PPM1H: variants seen among roughly 807,000 people sequenced by gnomAD.
PPM1H encodes protein phosphatase 1H.
Under a neutral mutation model 54.9 loss-of-function variants are expected in PPM1H, and 27 were observed. That is an observed-to-expected ratio of 0.49 (90% confidence interval 0.36 to 0.68). The LOEUF (loss-of-function observed/expected upper bound fraction) is 0.68. Among genes scored for constraint, PPM1H ranks in the 30% least tolerant of loss-of-function variants. The pLI is 0.00. For synonymous variants in PPM1H, 305 were observed against 270.8 expected, an observed-to-expected ratio of 1.13 and a Z score of -1.24; for missense variants, 596 against 667.8, an observed-to-expected ratio of 0.89 and a Z score of 1.19.
chr12:62,865,415 C>A (rs1343084135), intron 1 of PPM1H, among the ~76,000 whole-genome samples: 1 of 152,196 alleles, frequency 6.6e-6, no homozygotes, highest in Admixed American at 6.5e-5. Flanking sequence ...TCTCCACATG[C>A]CCTTCAGGGT....
At chr12:62,712,830 G>C (rs2076214732) in intron 6 of PPM1H, among the ~76,000 whole-genome samples, 1 of 152,126 alleles carries the variant, frequency 6.6e-6, no homozygotes, top group South Asian at 2.1e-4. Flanking sequence ...AGTGTCAGTT[G>C]GGGCTGCTTT....
chr12:62,689,311 C>T (rs1372612702), intron 8 of PPM1H, among the ~76,000 whole-genome samples: 1 of 152,154 alleles, frequency 6.6e-6, no homozygotes, highest in Admixed American at 6.5e-5. Context: ...TCAGAGAAGT[C>T]CAGACCAAAT....
chr12:62,759,021 G>A (rs1275974537), intron 4 of PPM1H, among the ~76,000 whole-genome samples: 1 of 152,106 alleles, frequency 6.6e-6, no homozygotes, highest in Non-Finnish European at 1.5e-5. Context: ...TCCACCCACT[G>A]CCCGCAAAAC....
intron 2 of PPM1H, among the ~76,000 whole-genome samples, chr12:62,823,333 C>G (rs1592618309): frequency 6.6e-6 from 1 of 152,314 alleles, no homozygotes; most frequent in East Asian, 1.9e-4. Flanking sequence ...GAGCTGGTAC[C>G]ATTCCTTCTG....
At chr12:62,777,161 G>A (rs935141209) in intron 4 of PPM1H, among the ~76,000 whole-genome samples, 6 of 152,216 alleles carry the variant, frequency 3.9e-5, no homozygotes, top group African/African-American at 1.4e-4. Context: ...ATTCTGACCT[G>A]TGAGGCAATT....
chr12:62,899,683 C>A (rs1027679850), intron 1 of PPM1H, among the ~76,000 whole-genome samples: 1 of 152,170 alleles, frequency 6.6e-6, no homozygotes, highest in Non-Finnish European at 1.5e-5. Context: ...CAAAGAAACA[C>A]AACTGAACTC....
At chr12:62,710,546 A>T (rs2076201088) in intron 6 of PPM1H, among the ~76,000 whole-genome samples, 1 of 151,370 alleles carries the variant, frequency 6.6e-6, no homozygotes, top group African/African-American at 2.4e-5. Flanking sequence ...TTAAAAAAAA[A>T]AAAAAAAAAG....
chr12:62,653,862 G>A lies in PPM1H; in HGVS notation c.1398-5226C>T, dbSNP rs992358484. Among the ~76,000 whole-genome samples, 12 of 152,166 alleles carry A rather than the reference G, an allele frequency of 7.9e-5. No homozygotes were observed. The South Asian group carries it at 1.7e-3, about 21-fold the overall frequency. On this transcript the variant is annotated intron_variant, in intron 9 of 9. Coordinates refer to ENST00000228705, the MANE Select transcript of PPM1H (RefSeq NM_020700.2). Reference sequence around the variant, plus strand: ...GGGCCCTCCCCCAGGAATGTCTGGCGACCATCAGGTGATAGTCAGGCCATT... The same window carrying A: ...GGGCCCTCCCCCAGGAATGTCTGGCAACCATCAGGTGATAGTCAGGCCATT...
At chr12:62,888,770 G>A (rs1397465197) in intron 1 of PPM1H, among the ~76,000 whole-genome samples, 1 of 152,148 alleles carries the variant, frequency 6.6e-6, no homozygotes, top group Non-Finnish European at 1.5e-5. Context: ...GGATATACAA[G>A]CAACTTTACA....
At chr12:62,666,133 A>G (rs1197690748) in intron 9 of PPM1H, among the ~76,000 whole-genome samples, 1 of 152,018 alleles carries the variant, frequency 6.6e-6, no homozygotes, top group African/African-American at 2.4e-5. Flanking sequence ...GCTGGAGTGC[A>G]GTGGCGCGAT....
intron 2 of PPM1H, among the ~76,000 whole-genome samples, chr12:62,824,831 A>G (rs951844663): frequency 2.6e-5 from 4 of 152,234 alleles, no homozygotes; most frequent in African/African-American, 7.2e-5. Context: ...CATTCAGGAC[A>G]TAGGCATGGG....
At chr12:62,820,019 G>C (rs1048420252) in intron 2 of PPM1H, among the ~76,000 whole-genome samples, 1 of 152,254 alleles carries the variant, frequency 6.6e-6, no homozygotes, top group Non-Finnish European at 1.5e-5. Context: ...CCCTTTCCCA[G>C]CCAAGGGAAT....
intron 4 of PPM1H, chr12:62,755,215 T>G: frequency 1.5e-6 from 1 of 672,478 alleles, no homozygotes; most frequent in Admixed American, 1.8e-5. Context: ...GCTGCATCCC[T>G]GAGACACTAC....
intron 4 of PPM1H, among the ~76,000 whole-genome samples, chr12:62,767,843 T>A (rs2076553360): frequency 6.6e-6 from 1 of 152,230 alleles, no homozygotes; most frequent in Non-Finnish European, 1.5e-5. Flanking sequence ...TCCTTGGTGT[T>A]CCTTGACTTG....
At chr12:62,702,542 T>TAGAGAGAGAG (rs2076149487) in intron 6 of PPM1H, among the ~76,000 whole-genome samples, 1 of 57,106 alleles carries the variant, frequency 1.8e-5, no homozygotes, top group African/African-American at 1.1e-4. Context: ...GACCTTGAGC[T>TAGAGAGAGAG]ACAGAGAGAG....
At chr12:62,779,983 T>A (rs865876355) in intron 4 of PPM1H, among the ~76,000 whole-genome samples, 4 of 152,216 alleles carry the variant, frequency 2.6e-5, no homozygotes, top group Admixed American at 2.6e-4. Context: ...TTGAATTATG[T>A]CACCTAGAAA....
intron 1 of PPM1H, among the ~76,000 whole-genome samples, chr12:62,846,461 C>T (rs1868971409): frequency 1.3e-5 from 2 of 151,188 alleles, no homozygotes; most frequent in Non-Finnish European, 3.0e-5. Flanking sequence ...GATTGCGCCA[C>T]TGCACTCCAG....
At chr12:62,877,863 T>C (rs917431470) in intron 1 of PPM1H, among the ~76,000 whole-genome samples, 4 of 152,220 alleles carry the variant, frequency 2.6e-5, no homozygotes, top group African/African-American at 9.7e-5. Flanking sequence ...CCCAGACATT[T>C]TAAATAAAGA....
At chr12:62,766,326 C>A (rs2076543223) in intron 4 of PPM1H, among the ~76,000 whole-genome samples, 1 of 151,848 alleles carries the variant, frequency 6.6e-6, no homozygotes, top group Admixed American at 6.6e-5. Context: ...TAACCTTTAC[C>A]CTTGATTGAA....
Sources: gnomAD v4.1 joint callset for allele counts (sites outside exome capture counted in the v4.1 genomes callset) on GRCh38, gnomAD v4.1.1 for gene constraint, MANE v1.5 for transcripts, NCBI Gene and HGNC (gene_info 2026-07-23, HGNC 2026-07-21) for gene names.